Variants in MELK observed in about 807,000 individuals in gnomAD.
The protein encoded by MELK is pEg3 kinase.
MELK carries 81 observed loss-of-function variants against 85.0 expected under a neutral mutation model. The observed-to-expected ratio is 0.95, with a 90% CI of 0.80 to 1.15. MELK has a LOEUF of 1.15. Among genes scored for constraint, MELK ranks in the 50% most tolerant of loss-of-function variants. The probability of loss-of-function intolerance (pLI) is 0.00; values close to 1 mark genes in which losing one functional copy is unlikely to be tolerated. For missense variants in MELK, 754 were observed against 777.5 expected (o/e 0.97, Z 0.36); for synonymous variants, 252 against 265.0 (o/e 0.95, Z 0.48).
At chr9:36,594,870 G>A in intron 5 of MELK, 99 bp downstream of exon 5, 1 of 1,321,424 alleles carries the variant, frequency 7.6e-7, no homozygotes, top group Non-Finnish European at 1.0e-6. Context: ...TCTTTGGTTT[G>A]CTTTTTGTTG....
intron 11 of MELK, among the ~76,000 whole-genome samples, chr9:36,644,779 A>G (rs1300148328): frequency 6.6e-6 from 1 of 152,234 alleles, no homozygotes; most frequent in African/African-American, 2.4e-5. Context: ...ATAGTATAAC[A>G]ACACTGAGTT....
intron 10 of MELK, among the ~76,000 whole-genome samples, chr9:36,642,299 C>T (rs1587537917): frequency 6.6e-6 from 1 of 152,148 alleles, no homozygotes; most frequent in Non-Finnish European, 1.5e-5. Flanking sequence ...CACTCTTTTA[C>T]CAGTCTGTTG....
At chr9:36,631,988 T>G (rs1828684211) in intron 9 of MELK, among the ~76,000 whole-genome samples, 1 of 152,194 alleles carries the variant, frequency 6.6e-6, no homozygotes, top group Non-Finnish European at 1.5e-5. Context: ...TCATTAAGTA[T>G]GTTAGTAGAT....
chr9:36,631,291 T>A (rs1828588964), intron 9 of MELK, among the ~76,000 whole-genome samples: 1 of 151,710 alleles, frequency 6.6e-6, no homozygotes, highest in Non-Finnish European at 1.5e-5. Flanking sequence ...AGAGTTTTGC[T>A]TTGTTGCTCA....
At chr9:36,609,343 AAAG>A (rs1027567078) in intron 8 of MELK, among the ~76,000 whole-genome samples, 2 of 152,206 alleles carry the variant, frequency 1.3e-5, no homozygotes, top group African/African-American at 4.8e-5. Context: ...CAAACTAACA[AAAG>A]AAGACATGTA....
chr9:36,670,051 C>G (rs1285035466), intron 15 of MELK, among the ~76,000 whole-genome samples: 1 of 152,116 alleles, frequency 6.6e-6, no homozygotes, highest in Non-Finnish European at 1.5e-5. Context: ...GTTTTTCTCC[C>G]ACAGTCTGGA....
chr9:36,658,534 C>T (rs192697864), intron 13 of MELK, among the ~76,000 whole-genome samples: 2 of 152,282 alleles, frequency 1.3e-5, no homozygotes, highest in East Asian at 3.9e-4. Context: ...TGACATTGCT[C>T]TTACACTTTC....
chr9:36,653,338 G>A (rs1830897254), intron 12 of MELK, among the ~76,000 whole-genome samples: 1 of 152,040 alleles, frequency 6.6e-6, no homozygotes, highest in African/African-American at 2.4e-5. Context: ...TAGAAATGGA[G>A]TCCAGCTATG....
intron 10 of MELK, among the ~76,000 whole-genome samples, chr9:36,636,774 T>TCTGTCTGTCTGTCTG (rs1564190977): frequency 9.4e-6 from 1 of 105,900 alleles, no homozygotes; most frequent in African/African-American, 4.5e-5. Context: ...CTTTCTTTCT[T>TCTGTCTGTCTGTCTG]TCTTTCTTTC....
intron 10 of MELK, among the ~76,000 whole-genome samples, chr9:36,637,765 GC>G (rs1163975246): frequency 2.0e-5 from 3 of 152,180 alleles, no homozygotes; most frequent in African/African-American, 4.8e-5. Flanking sequence ...CTTGCTCCAA[GC>G]CCTTTCTCAC....
At chr9:36,646,028 T>A (rs1005531745) in intron 11 of MELK, among the ~76,000 whole-genome samples, 1 of 152,094 alleles carries the variant, frequency 6.6e-6, no homozygotes, top group East Asian at 1.9e-4. Flanking sequence ...CTAGAGACAT[T>A]TTTGGTTGTC....
chr9:36,668,881 G>A (rs1321821948), intron 14 of MELK, among the ~76,000 whole-genome samples: 1 of 152,108 alleles, frequency 6.6e-6, no homozygotes, highest in Non-Finnish European at 1.5e-5. Context: ...CCTAACATGA[G>A]TTGAATCGGG....
intron 14 of MELK, among the ~76,000 whole-genome samples, chr9:36,666,974 C>T (rs1008141154): frequency 6.6e-6 from 1 of 151,140 alleles, no homozygotes; most frequent in African/African-American, 2.4e-5. Flanking sequence ...GTGAGATAGC[C>T]TCTACCCTGC....
intron 11 of MELK, among the ~76,000 whole-genome samples, chr9:36,648,987 A>C (rs1830459106): frequency 6.6e-6 from 1 of 152,178 alleles, no homozygotes; most frequent in Non-Finnish European, 1.5e-5. Context: ...AAAACCCCAG[A>C]TATGCAGGGA....
chr9:36,583,587 A>G, intron 2 of MELK, 40 bp from the exon 3 acceptor site: 1 of 1,362,270 alleles, frequency 7.3e-7, no homozygotes, highest in Non-Finnish European at 1.0e-6. Context: ...TTTGTGCCTG[A>G]GTCCTTGCTT....
intron 10 of MELK, among the ~76,000 whole-genome samples, chr9:36,638,664 C>T (rs896201001): frequency 6.6e-6 from 1 of 152,132 alleles, no homozygotes; most frequent in Non-Finnish European, 1.5e-5. Flanking sequence ...AGTAAGGGCT[C>T]TCTGTATATT....
chr9:36,602,819 A>G (rs535865633), intron 7 of MELK, among the ~76,000 whole-genome samples: 1 of 152,230 alleles, frequency 6.6e-6, no homozygotes, highest in South Asian at 2.1e-4. Context: ...TTGGCCTACC[A>G]AAGTGTTGGG....
At chr9:36,666,950 G>T (rs950626065) in intron 14 of MELK, among the ~76,000 whole-genome samples, 1 of 149,954 alleles carries the variant, frequency 6.7e-6, no homozygotes, top group East Asian at 2.0e-4. Flanking sequence ...GCCTGTGGTT[G>T]TTATGAGAAT....
At chr9:36,600,692 C>G (rs556798148) in intron 7 of MELK, among the ~76,000 whole-genome samples, 1 of 152,218 alleles carries the variant, frequency 6.6e-6, no homozygotes, top group East Asian at 1.9e-4. Context: ...GCTCTGGCCT[C>G]CAAATCTTTA....
Sources: allele counts gnomAD v4.1 joint callset (sites outside exome capture counted in the v4.1 genomes callset), GRCh38; gene constraint gnomAD v4.1.1; transcripts MANE v1.5; gene names NCBI Gene and HGNC (gene_info 2026-07-23, HGNC 2026-07-21).